Variants in SCG5 observed in about 807,000 individuals in gnomAD.
The protein encoded by SCG5 is secretogranin V, also known as neuroendocrine protein 7B2.
SCG5 carries 18 observed loss-of-function variants against 25.7 expected under a neutral mutation model. The ratio of observed to expected loss-of-function variants is 0.70; its 90% CI spans 0.48 to 1.04. The LOEUF is 1.04. Ranked by LOEUF, SCG5 falls within the 50% of genes least tolerant of loss-of-function variation. The pLI is 0.00. For synonymous variants in SCG5, 101 were observed against 91.7 expected (o/e 1.10, Z -0.58); for missense variants, 206 against 259.8 (o/e 0.79, Z 1.42).
intron 3 of SCG5, among the ~76,000 whole-genome samples, chr15:32,684,147 G>A (rs990375193): frequency 2.0e-5 from 3 of 152,228 alleles, no homozygotes; most frequent in African/African-American, 7.2e-5. Context: ...TGGGGAATGA[G>A]GAGAAGTGGA....
intron 4 of SCG5, among the ~76,000 whole-genome samples, chr15:32,687,557 C>A (rs1365004005): frequency 6.6e-6 from 1 of 152,188 alleles, no homozygotes; most frequent in Non-Finnish European, 1.5e-5. Flanking sequence ...GAACCACAAA[C>A]CTTCCTCAGT....
At chr15:32,685,110 G>GAT (rs756912919) in intron 4 of SCG5, among the ~76,000 whole-genome samples, 23 of 152,206 alleles carry the variant, frequency 1.5e-4, no homozygotes, top group Non-Finnish European at 2.6e-4. Context: ...CTTAGAAACA[G>GAT]ATATATATAA....
chr15:32,694,381 C>T (rs1280918912), intron 5 of SCG5, among the ~76,000 whole-genome samples: 1 of 152,200 alleles, frequency 6.6e-6, no homozygotes, highest in Non-Finnish European at 1.5e-5. Flanking sequence ...AATTGAATTC[C>T]TCATTGCTTC....
chr15:32,641,814 C>A (rs1299119513), intron 1 of SCG5, 36 bp downstream of exon 1: 1 of 152,346 alleles, frequency 6.6e-6, no homozygotes, highest in Non-Finnish European at 1.5e-5. Flanking sequence ...GGCCGCCTGC[C>A]GCCAACCCGA....
At chr15:32,694,518 T>G (rs1389333667) in intron 5 of SCG5, among the ~76,000 whole-genome samples, 1 of 152,258 alleles carries the variant, frequency 6.6e-6, no homozygotes, top group Non-Finnish European at 1.5e-5. Context: ...AATCTCATAT[T>G]TGATAAACTT....
At chr15:32,656,574 C>T (rs2054121267) in intron 2 of SCG5, among the ~76,000 whole-genome samples, 1 of 152,232 alleles carries the variant, frequency 6.6e-6, no homozygotes. Flanking sequence ...TGTATCTCCC[C>T]ATCCAGCTGT....
intron 1 of SCG5, 114 bp from the exon 2 acceptor site, chr15:32,643,472 A>G (rs1052615122): frequency 2.6e-6 from 2 of 780,396 alleles, no homozygotes; most frequent in South Asian, 1.6e-5. Flanking sequence ...CTTTGTTACA[A>G]CCCCTTTCTG....
chr15:32,668,083 G>T (rs923169576), intron 2 of SCG5, among the ~76,000 whole-genome samples: 1 of 152,170 alleles, frequency 6.6e-6, no homozygotes, highest in East Asian at 1.9e-4. Context: ...TTACCAAAGG[G>T]TTGTAGAGGA....
chr15:32,661,377 TG>T (rs1279231844), intron 2 of SCG5, among the ~76,000 whole-genome samples: 7 of 152,254 alleles, frequency 4.6e-5, no homozygotes, highest in Admixed American at 4.6e-4. Context: ...CCCAGCACTT[TG>T]GGAGGCCGAG....
intron 5 of SCG5, among the ~76,000 whole-genome samples, chr15:32,694,427 GA>G (rs2054917831): frequency 6.6e-6 from 1 of 152,156 alleles, no homozygotes; most frequent in South Asian, 2.1e-4. Flanking sequence ...AAATGACTGT[GA>G]ACTTTTAAAC....
Position 32,670,293 on chromosome 15 carries a change from C to A in SCG5, c.227-9473C>A, listed in dbSNP as rs151286045. Among the ~76,000 whole-genome samples, 787 of 152,368 alleles carry A rather than the reference C, an allele frequency of 5.2e-3. 4 individuals are homozygous for A. The highest frequency in any genetic ancestry group is 0.018 in the African/African-American group (743 of 41,590). On this transcript the variant is annotated intron_variant, in intron 2 of 5. Coordinates refer to ENST00000300175, the MANE Select transcript of SCG5 (RefSeq NM_001144757.3). ...GTGCCAGCCAGGGTGTCTGCCCTTG[C>A]CGGCTATGTGGGGCAGTCCCTGTGA...
At chr15:32,668,512 T>G (rs1218705292) in intron 2 of SCG5, among the ~76,000 whole-genome samples, 2 of 152,194 alleles carry the variant, frequency 1.3e-5, no homozygotes, top group African/African-American at 4.8e-5. Context: ...CTAGGACCAC[T>G]CCCCTGGCCA....
chr15:32,659,957 A>C (rs1009050094), intron 2 of SCG5, among the ~76,000 whole-genome samples: 2 of 152,206 alleles, frequency 1.3e-5, no homozygotes, highest in East Asian at 3.8e-4. Context: ...GCCCTTGGTC[A>C]CTGAAGTGTG....
intron 4 of SCG5, among the ~76,000 whole-genome samples, chr15:32,686,430 T>C (rs925275832): frequency 6.6e-6 from 1 of 152,136 alleles, no homozygotes; most frequent in African/African-American, 2.4e-5. Flanking sequence ...CAAGACATTT[T>C]AAAGGGGGAA....
intron 2 of SCG5, among the ~76,000 whole-genome samples, chr15:32,648,988 C>T (rs139193041): frequency 1.2e-4 from 19 of 152,282 alleles, no homozygotes; most frequent in Non-Finnish European, 2.2e-4. Flanking sequence ...AGCCTCCTGA[C>T]CTCGTGATCC....
chr15:32,677,529 C>G (rs1179739857), intron 2 of SCG5: 1 of 152,212 alleles, frequency 6.6e-6, no homozygotes, highest in Non-Finnish European at 1.5e-5. Context: ...ACAAGGGAGC[C>G]TCATTCAACT....
At chr15:32,692,064 G>A in intron 5 of SCG5, 4 of 1,227,632 alleles carry the variant, frequency 3.3e-6, no homozygotes, top group Non-Finnish European at 4.1e-6. Context: ...CATATCTGGG[G>A]GGACATGAGG....
At chr15:32,684,805 C>T in intron 4 of SCG5, 136 bp downstream of exon 4, 2 of 639,502 alleles carry the variant, frequency 3.1e-6, no homozygotes, top group East Asian at 2.7e-5. Context: ...CTCTGGTTGA[C>T]AGAGCTTCAA....
intron 2 of SCG5, among the ~76,000 whole-genome samples, chr15:32,671,474 TC>T (rs1416300186): frequency 6.6e-6 from 1 of 152,154 alleles, no homozygotes; most frequent in African/African-American, 2.4e-5. Context: ...CAGCCTCCTT[TC>T]CCCATTCCTA....
Sources: allele counts gnomAD v4.1 joint callset (sites outside exome capture counted in the v4.1 genomes callset), GRCh38; gene constraint gnomAD v4.1.1; transcripts MANE v1.5; gene names NCBI Gene and HGNC (gene_info 2026-07-23, HGNC 2026-07-21).